The following HERC5 variants were observed in gnomAD, a reference collection of about 807,000 sequenced individuals.
The protein encoded by HERC5 is E3 ISG15--protein ligase HERC5.
A neutral mutation model predicts 119.6 loss-of-function variants in HERC5; 99 were observed. That is an observed-to-expected ratio of 0.83 (90% CI 0.70 to 0.98). The LOEUF (loss-of-function observed/expected upper bound fraction) is 0.98, where lower values mean the gene tolerates loss of function less well. Among genes scored for constraint, HERC5 ranks in the 50% least tolerant of loss-of-function variants. The probability of loss-of-function intolerance (pLI) is 0.00; values close to 1 mark genes in which losing one functional copy is unlikely to be tolerated. For missense variants in HERC5, 1,267 were observed against 1,241.3 expected (o/e 1.02, Z -0.31); for synonymous variants, 478 against 445.9 (o/e 1.07, Z -0.91).
intron 6 of HERC5, among the ~76,000 whole-genome samples, chr4:88,464,904 G>C (rs1740601169): frequency 1.3e-5 from 2 of 152,164 alleles, no homozygotes; most frequent in African/African-American, 4.8e-5. Flanking sequence ...CGGAGTAGCT[G>C]GGACTACAGG....
chr4:88,503,485 A>G (rs946948844), intron 20 of HERC5, among the ~76,000 whole-genome samples: 1 of 152,208 alleles, frequency 6.6e-6, no homozygotes, highest in Admixed American at 6.5e-5. Context: ...GGAGAGGTAT[A>G]TTAGCATCTA....
At chr4:88,482,905 A>G (rs1369252929) in intron 13 of HERC5, among the ~76,000 whole-genome samples, 1 of 152,086 alleles carries the variant, frequency 6.6e-6, no homozygotes, top group African/African-American at 2.4e-5. Flanking sequence ...TGCTGGGATT[A>G]CAGGTGTGAG....
chr4:88,478,546 A>G (rs1454552791), intron 12 of HERC5, among the ~76,000 whole-genome samples: 4 of 152,172 alleles, frequency 2.6e-5, no homozygotes, highest in Non-Finnish European at 4.4e-5. Flanking sequence ...GACTGTAGTT[A>G]ATAACATATC....
intron 11 of HERC5, among the ~76,000 whole-genome samples, chr4:88,475,401 C>T (rs1175658661): frequency 6.7e-6 from 1 of 149,772 alleles, no homozygotes; most frequent in Non-Finnish European, 1.5e-5. Flanking sequence ...TCACTGCAAC[C>T]TCTGCCTCCC....
intron 10 of HERC5, among the ~76,000 whole-genome samples, chr4:88,471,224 C>A (rs1366123325): frequency 6.6e-6 from 1 of 152,118 alleles, no homozygotes; most frequent in East Asian, 1.9e-4. Context: ...CCAGCCTTGG[C>A]CTCCCCAAGT....
chr4:88,486,380 C>A, intron 14 of HERC5, 152 bp downstream of exon 14: 1 of 547,404 alleles, frequency 1.8e-6, no homozygotes, highest in Non-Finnish European at 3.3e-6. Context: ...GTCAGAGTTC[C>A]AGCAGAAAAG....
chr4:88,477,556 G>A (rs1167647878), intron 12 of HERC5, among the ~76,000 whole-genome samples: 1 of 102,876 alleles, frequency 9.7e-6, no homozygotes, highest in African/African-American at 3.7e-5. Context: ...TGGGGGAGGG[G>A]AAGGGGAAGG....
At chr4:88,459,523 TA>T in intron 2 of HERC5, 53 bp downstream of exon 2, 1 of 1,126,326 alleles carries the variant, frequency 8.9e-7, no homozygotes, top group Non-Finnish European at 1.2e-6. Flanking sequence ...AAGACAATAA[TA>T]ATTTCTGTAG....
At chr4:88,496,519 T>C (rs540890344) in intron 18 of HERC5, among the ~76,000 whole-genome samples, 1 of 152,152 alleles carries the variant, frequency 6.6e-6, no homozygotes, top group South Asian at 2.1e-4. Flanking sequence ...TTATTAGAGG[T>C]GACATATTTG....
intron 8 of HERC5, 83 bp from the exon 9 acceptor site, chr4:88,469,074 A>G (rs1039327524): frequency 1.0e-5 from 8 of 769,876 alleles, no homozygotes; most frequent in South Asian, 4.9e-5. Context: ...AGTCAGTTTT[A>G]CTCTCTAGAG....
intron 6 of HERC5, among the ~76,000 whole-genome samples, chr4:88,464,351 C>G (rs1165503585): frequency 2.0e-5 from 3 of 152,046 alleles, no homozygotes; most frequent in Admixed American, 1.3e-4. Context: ...TAATCACCCT[C>G]TCTGACAATG....
chr4:88,460,212 C>G (rs1740377451), intron 3 of HERC5, 41 bp downstream of exon 3: 1 of 1,015,760 alleles, frequency 9.8e-7, no homozygotes, highest in Non-Finnish European at 1.5e-6. Flanking sequence ...AGAAGTAATA[C>G]CTGTGTGTAT....
At chr4:88,457,914 A>T in intron 1 of HERC5, 1 of 1,022,740 alleles carries the variant, frequency 9.8e-7, no homozygotes, top group Non-Finnish European at 1.2e-6. Flanking sequence ...CACTGCTCCA[A>T]CTTTGGGAGT....
chr4:88,497,346 G>A (rs567017476), intron 18 of HERC5, among the ~76,000 whole-genome samples: 1 of 152,294 alleles, frequency 6.6e-6, no homozygotes, highest in East Asian at 1.9e-4. Context: ...TACCTAAGTG[G>A]TCATGATCAG....
intron 21 of HERC5, 39 bp from the exon 22 acceptor site, chr4:88,504,456 T>C (rs370965985): frequency 8.9e-6 from 14 of 1,567,048 alleles, no homozygotes; most frequent in Non-Finnish European, 1.2e-5. Context: ...CAGTTTTCCT[T>C]CCTATTTCCT....
At chr4:88,492,276 T>G (rs1741665853) in intron 16 of HERC5, among the ~76,000 whole-genome samples, 1 of 151,910 alleles carries the variant, frequency 6.6e-6, no homozygotes, top group Non-Finnish European at 1.5e-5. Flanking sequence ...AGTGCTGGCA[T>G]TACAGGTGTG....
chr4:88,469,766 C>T (rs974965045), intron 9 of HERC5, among the ~76,000 whole-genome samples: 12 of 152,282 alleles, frequency 7.9e-5, no homozygotes, highest in African/African-American at 2.9e-4. Flanking sequence ...TAGAAACATC[C>T]AGAATAATAT....
chr4:88,493,024 G>A lies in HERC5; in HGVS notation c.2146G>A (p.Gly716Arg), dbSNP rs1223473257. The A allele has an allele frequency of 1.2e-6, 2 of 1,613,634 alleles. No individual in the cohort carries two copies. The highest frequency in any genetic ancestry group is 1.1e-5 in the South Asian group (1 of 91,044). The change falls in exon 17 of 23, where the codon GGA becomes AGA. Residue 716 changes from glycine (G) to arginine (R), a missense_variant. Coordinates refer to ENST00000264350, the MANE Select transcript of HERC5 (RefSeq NM_016323.4). ...LRKELWVSFS[G>R]EIGYDLGGVK... is the part of the protein sequence containing the mutation. ...TCTGTTTCCTCAGGTTTCATTTAGT[G>A]GAGAAATTGGGTATGACCTCGGAGG... is the stretch of plus-strand genomic sequence containing the variant.
Position 88,457,172 on chromosome 4 carries a change from C to A in HERC5, c.-98C>A. 3 of 1,236,010 alleles carry A rather than the reference C, an allele frequency of 2.4e-6. No homozygotes were observed. The highest frequency in any genetic ancestry group is 3.0e-6 in the Non-Finnish European group (3 of 989,328). 76.6% of individuals were successfully genotyped at this position (1,236,010 alleles called of 1,614,324 possible). ...CACGCAGCTGCGCGCAGCTGGTTCC[C>A]GCTCTGCAGCGCAACGCCTGAGGCA... On this transcript the variant is annotated 5_prime_UTR_variant, in exon 1 of 23. Coordinates refer to ENST00000264350, the MANE Select transcript of HERC5 (RefSeq NM_016323.4).
Sources: gnomAD v4.1 joint callset for allele counts (sites outside exome capture counted in the v4.1 genomes callset) on GRCh38, gnomAD v4.1.1 for gene constraint, MANE v1.5 for transcripts, NCBI Gene and HGNC (gene_info 2026-07-23, HGNC 2026-07-21) for gene names.